EDARADD: variants seen among roughly 807,000 people sequenced by gnomAD.
EDARADD encodes the protein ectodysplasin-A receptor-associated adapter protein.
EDARADD carries 20 observed loss-of-function variants against 25.6 expected under a neutral mutation model. That is an observed-to-expected ratio of 0.78 (90% CI 0.55 to 1.14). The LOEUF (loss-of-function observed/expected upper bound fraction) is 1.14. EDARADD is among the 50% of genes most tolerant of loss of function. EDARADD has a pLI of 0.00. For synonymous variants in EDARADD, 86 were observed against 94.4 expected, an observed-to-expected ratio of 0.91 and a Z score of 0.52; for missense variants, 225 against 270.1, an observed-to-expected ratio of 0.83 and a Z score of 1.17.
At chr1:236,433,642 C>T (rs900232824) in intron 4 of EDARADD, among the ~76,000 whole-genome samples, 1 of 151,854 alleles carries the variant, frequency 6.6e-6, no homozygotes, top group African/African-American at 2.4e-5. Flanking sequence ...TGACCTTATG[C>T]AGGACGTACC....
At chr1:236,467,692 A>G (rs779969527) in intron 4 of EDARADD, among the ~76,000 whole-genome samples, 18 of 152,344 alleles carry the variant, frequency 1.2e-4, no homozygotes, top group Non-Finnish European at 2.4e-4. Context: ...CAAAAAGCAG[A>G]TAAGAAATAA....
chr1:236,369,741 G>A (rs2102993252), intron 3 of EDARADD, among the ~76,000 whole-genome samples: 1 of 152,260 alleles, frequency 6.6e-6, no homozygotes. Flanking sequence ...GGGAGGCTGA[G>A]GCAGAAGAAC....
At chr1:236,357,543 C>A (rs632508) in intron 3 of EDARADD, among the ~76,000 whole-genome samples, 1 of 151,832 alleles carries the variant, frequency 6.6e-6, no homozygotes, top group Non-Finnish European at 1.5e-5. Context: ...GCTTTACAAG[C>A]GTGGCACCAG....
chr1:236,381,804 T>TTTTC, intron 3 of EDARADD, among the ~76,000 whole-genome samples: 1 of 126,776 alleles, frequency 7.9e-6, no homozygotes, highest in Non-Finnish European at 1.7e-5. Context: ...GTGGTTGCTT[T>TTTTC]TTTTTTTTTT....
intron 3 of EDARADD, chr1:236,350,891 A>G (rs796507543): frequency 1.3e-5 from 2 of 152,332 alleles, no homozygotes; most frequent in South Asian, 2.1e-4. Context: ...TGTTCCTGGA[A>G]TTTGTGATAC....
chr1:236,484,532 C>T lies in EDARADD; in HGVS notation c.*1883C>T. ...AATTAGACCCCTCCCCTTGTGTCAA[C>T]TCCGGCAGCTCAAGACCCCCGAGCA... On this transcript the variant is annotated 3_prime_UTR_variant, in exon 6 of 6. Coordinates refer to ENST00000334232, the MANE Select transcript of EDARADD (RefSeq NM_145861.4). The surrounding 1 kb of genome is among the most constrained non-coding windows in gnomAD (Gnocchi z 4.1). The T allele has an allele frequency of 2.2e-6, 3 of 1,361,200 alleles. No individual in the cohort carries two copies. Among genetic ancestry groups the T allele is most frequent in the South Asian group, 1.2e-5 (1 of 84,070 alleles). 84.3% of individuals were successfully genotyped at this position (1,361,200 alleles called of 1,614,324 possible).
At chr1:236,363,551 T>C (rs1487669836) in intron 3 of EDARADD, among the ~76,000 whole-genome samples, 1 of 151,330 alleles carries the variant, frequency 6.6e-6, no homozygotes, top group African/African-American at 2.4e-5. Context: ...ACTCTGTCTC[T>C]ACACAAATGA....
intron 3 of EDARADD, among the ~76,000 whole-genome samples, chr1:236,372,425 A>G (rs1276909735): frequency 6.6e-6 from 1 of 152,214 alleles, no homozygotes; most frequent in African/African-American, 2.4e-5. Context: ...AAATCTGCTC[A>G]GTCATGGTGT....
At chr1:236,363,767 A>G (rs565725517) in intron 3 of EDARADD, among the ~76,000 whole-genome samples, 69 of 152,128 alleles carry the variant, frequency 4.5e-4, no homozygotes, top group African/African-American at 1.6e-3. Flanking sequence ...GCCTTCTGCC[A>G]CGGTTGTTTC....
intron 2 of EDARADD, among the ~76,000 whole-genome samples, chr1:236,410,497 T>A (rs1657437725): frequency 6.6e-6 from 1 of 152,142 alleles, no homozygotes; most frequent in African/African-American, 2.4e-5. Context: ...CTTGAGATGG[T>A]GGGGCACGTA....
chr1:236,367,098 A>AAAAG (rs1339316992), intron 3 of EDARADD, among the ~76,000 whole-genome samples: 3 of 149,378 alleles, frequency 2.0e-5, no homozygotes, highest in African/African-American at 7.4e-5. Context: ...AAAAAAAAAA[A>AAAAG]AAAAAGTAGA....
chr1:236,363,030 T>TATATATATATATATATATAAAA (rs796610771), intron 3 of EDARADD, among the ~76,000 whole-genome samples: 4 of 101,948 alleles, frequency 3.9e-5, no homozygotes, highest in Admixed American at 1.3e-4. Flanking sequence ...TATATATATA[T>TATATATATATATATATATAAAA]ATAAAATTTG....
At chr1:236,370,944 G>C (rs1667166298) in intron 3 of EDARADD, among the ~76,000 whole-genome samples, 1 of 152,174 alleles carries the variant, frequency 6.6e-6, no homozygotes, top group Non-Finnish European at 1.5e-5. Flanking sequence ...CTACACCCAG[G>C]AATAAAGAAG....
intron 3 of EDARADD, among the ~76,000 whole-genome samples, chr1:236,369,343 C>CT (rs1365956813): frequency 6.6e-6 from 1 of 152,184 alleles, no homozygotes; most frequent in Non-Finnish European, 1.5e-5. Context: ...CATGAAATAT[C>CT]TTTTCATTTA....
chr1:236,447,224 C>CATTCTTTT, intron 4 of EDARADD, among the ~76,000 whole-genome samples: 1 of 38,484 alleles, frequency 2.6e-5, no homozygotes, highest in Non-Finnish European at 7.3e-5. Flanking sequence ...TTCTTTCTTT[C>CATTCTTTT]CTTTCTTTCC....
chr1:236,410,395 C>G (rs1657435238), intron 2 of EDARADD, among the ~76,000 whole-genome samples: 1 of 152,182 alleles, frequency 6.6e-6, no homozygotes, highest in Admixed American at 6.5e-5. Flanking sequence ...TGGCTTCCAG[C>G]TGCATCCATG....
intron 3 of EDARADD, among the ~76,000 whole-genome samples, chr1:236,357,350 G>C (rs1293764831): frequency 6.6e-5 from 10 of 152,054 alleles, no homozygotes; most frequent in African/African-American, 2.2e-4. Context: ...CCTGAGGCTG[G>C]GTAAGTTATG....
At chr1:236,367,144 G>GT (rs79419608) in intron 3 of EDARADD, among the ~76,000 whole-genome samples, 50,436 of 148,372 alleles carry the variant, frequency 0.34, 8,871 homozygotes, top group African/African-American at 0.42. Flanking sequence ...GATCTTCCCT[G>GT]TTTTTTGGGT....
At chr1:236,374,009 C>G (rs1387655873) in intron 3 of EDARADD, among the ~76,000 whole-genome samples, 1 of 152,016 alleles carries the variant, frequency 6.6e-6, no homozygotes, top group Non-Finnish European at 1.5e-5. Flanking sequence ...TAGTTTAATT[C>G]CACTGTGGTC....
Sources: allele counts gnomAD v4.1 joint callset (sites outside exome capture counted in the v4.1 genomes callset), GRCh38; gene constraint gnomAD v4.1.1; non-coding constraint Gnocchi (gnomAD v3.1); transcripts MANE v1.5; gene names NCBI Gene and HGNC (gene_info 2026-07-23, HGNC 2026-07-21).